The following FLNB variants were observed in gnomAD, a reference collection of about 807,000 sequenced individuals.
FLNB encodes the protein filamin-B.
A neutral mutation model predicts 250.6 loss-of-function variants in FLNB; 111 were observed. That is an observed-to-expected ratio of 0.44 (90% CI 0.38 to 0.52). The LOEUF is 0.52. Ranked by LOEUF, FLNB falls within the 20% of genes least tolerant of loss-of-function variation. The probability of loss-of-function intolerance (pLI) is 0.00; values close to 1 mark genes in which losing one functional copy is unlikely to be tolerated. For missense variants in FLNB, 2,869 were observed against 3,447.8 expected (o/e 0.83, Z 4.20); for synonymous variants, 1,302 against 1,372.1 (o/e 0.95, Z 1.13).
At chr3:58,148,464 T>C in intron 35 of FLNB, 100 bp downstream of exon 35, 1 of 1,427,142 alleles carries the variant, frequency 7.0e-7, no homozygotes, top group Admixed American at 1.9e-5. Flanking sequence ...CAATGGAGTG[T>C]GATGTGATAA....
At chr3:58,089,536 G>C (rs781658498) in intron 4 of FLNB, among the ~76,000 whole-genome samples, 2 of 130,068 alleles carry the variant, frequency 1.5e-5, no homozygotes, top group Non-Finnish European at 3.2e-5. Flanking sequence ...AGAAGAGTGA[G>C]ACTCCATCTC....
Position 58,169,302 on chromosome 3 carries a change from A to G in FLNB, c.7418-288A>G. On this transcript the variant is annotated intron_variant, in intron 44 of 45. Coordinates refer to ENST00000295956, the MANE Select transcript of FLNB (RefSeq NM_001457.4). The surrounding 1 kb of genome is among the most constrained non-coding windows in gnomAD (Gnocchi z 4.8). ...GTCAATAGAAAGATGTGAATTCCAC[A>G]GGCACATCTTTGGTGGGTAGGGGGT... The G allele has an allele frequency of 2.1e-6, 1 of 471,204 alleles. No homozygotes were observed. The highest frequency in any genetic ancestry group is 3.9e-6 in the Non-Finnish European group (1 of 258,214). 29.2% of individuals were successfully genotyped at this position (471,204 alleles called of 1,614,324 possible). A position where few individuals can be genotyped will look rare whatever the true frequency, so the allele number is the denominator to read the frequency against.
intron 24 of FLNB, among the ~76,000 whole-genome samples, chr3:58,129,535 C>T (rs2097303112): frequency 6.6e-6 from 1 of 152,180 alleles, no homozygotes; most frequent in African/African-American, 2.4e-5. Flanking sequence ...GTTCCTCTCA[C>T]CCCAGTGTGG....
chr3:58,148,203 C>T lies in FLNB; in HGVS notation c.5729-3C>T. 1 of 1,614,196 alleles carries T rather than the reference C, an allele frequency of 6.2e-7. No homozygotes were observed. Among genetic ancestry groups the T allele is most frequent in the Non-Finnish European group, 8.5e-7 (1 of 1,180,044 alleles). ...GGAGTCCTTTTTGGGGGATGTTTCC[C>T]AGATGACAGCAGGCGGTGCTCCCAG... On this transcript the variant is annotated splice_region_variant and splice_polypyrimidine_tract_variant and intron_variant, in intron 34 of 45. Coordinates refer to ENST00000295956, the MANE Select transcript of FLNB (RefSeq NM_001457.4).
chr3:58,033,015 G>C (rs926485915), intron 1 of FLNB, among the ~76,000 whole-genome samples: 1 of 152,222 alleles, frequency 6.6e-6, no homozygotes, highest in Admixed American at 6.5e-5. Context: ...CAAGACTGCA[G>C]TGAGCTGAGA....
At chr3:58,034,599 C>T (rs1197469757) in intron 1 of FLNB, among the ~76,000 whole-genome samples, 2 of 152,096 alleles carry the variant, frequency 1.3e-5, no homozygotes, top group African/African-American at 4.8e-5. Context: ...AGCCAGGAAG[C>T]AGTAGAGAAA....
At chr3:58,037,489 C>T (rs560293157) in intron 1 of FLNB, among the ~76,000 whole-genome samples, 21 of 152,338 alleles carry the variant, frequency 1.4e-4, no homozygotes, top group African/African-American at 4.3e-4. Context: ...TCACCCTTGC[C>T]TCCCGCTGCC....
At chr3:58,120,022 G>T (rs982585861) in intron 19 of FLNB, among the ~76,000 whole-genome samples, 9 of 152,320 alleles carry the variant, frequency 5.9e-5, no homozygotes, top group Non-Finnish European at 1.2e-4. Context: ...CTGGTTTCAG[G>T]CTTACTGAGG....
chr3:58,153,697 T>C (rs2097348932), intron 39 of FLNB, 56 bp downstream of exon 39: 2 of 1,598,580 alleles, frequency 1.3e-6, no homozygotes, highest in Admixed American at 3.4e-5. Flanking sequence ...GCCCAGGCAG[T>C]GTGGGCACCC....
At chr3:58,153,240 G>A in intron 38 of FLNB, 135 bp from the exon 39 acceptor site, 1 of 1,034,938 alleles carries the variant, frequency 9.7e-7, no homozygotes, top group Middle Eastern at 2.8e-4. Context: ...CAGCCTGAAG[G>A]GAAGGAAGCC....
chr3:58,108,324 A>T, intron 12 of FLNB, 134 bp from the exon 13 acceptor site: 3 of 700,012 alleles, frequency 4.3e-6, no homozygotes, highest in Non-Finnish European at 7.9e-6. Context: ...CCCATAACCA[A>T]CCTCTTATGT....
At chr3:58,133,987 TA>T (rs2097312040) in intron 26 of FLNB, among the ~76,000 whole-genome samples, 1 of 152,212 alleles carries the variant, frequency 6.6e-6, no homozygotes, top group East Asian at 1.9e-4. Context: ...GATCTTAGCA[TA>T]ACAAAAGTGG....
At chr3:58,104,558 C>A (rs1576724708) in intron 10 of FLNB, among the ~76,000 whole-genome samples, 2 of 152,190 alleles carry the variant, frequency 1.3e-5, no homozygotes, top group East Asian at 3.8e-4. Flanking sequence ...TTTTCCAGCT[C>A]CCCTGGAGGT....
chr3:58,014,878 G>A (rs550847813), intron 1 of FLNB, among the ~76,000 whole-genome samples: 6 of 152,232 alleles, frequency 3.9e-5, no homozygotes, highest in East Asian at 1.9e-4. Context: ...ACAGGCGTGC[G>A]CCACTATGTC....
Position 58,170,730 on chromosome 3 carries a change from C to T in FLNB, c.7777C>T (p.Pro2593Ser). ...LAVKWGEEHIPGSPFHVTVP is the reference protein window; with the variant it reads ...LAVKWGEEHISGSPFHVTVP ...TGTGAAGTGGGGGGAGGAACACATC[C>T]CTGGCAGCCCTTTTCATGTCACAGT... is the stretch of plus-strand genomic sequence containing the variant. Residue 2593 changes from proline (P) to serine (S), a missense_variant, in exon 46 of 46, where the codon CCT becomes TCT. By Grantham distance (74) the Pro-to-Ser change is moderately conservative. Transcript: ENST00000295956. 7 of 1,614,152 alleles carry T rather than the reference C, an allele frequency of 4.3e-6. No homozygotes were observed. Among genetic ancestry groups the T allele is most frequent in the South Asian group, 1.1e-5 (1 of 91,072 alleles).
chr3:58,085,211 G>A (rs1274347558), intron 4 of FLNB, among the ~76,000 whole-genome samples: 1 of 152,220 alleles, frequency 6.6e-6, no homozygotes, highest in East Asian at 1.9e-4. Context: ...GGAATTGGTG[G>A]ATCATATGGT....
intron 38 of FLNB, chr3:58,150,442 C>T (rs895885082): frequency 1.6e-6 from 1 of 607,228 alleles, no homozygotes; most frequent in Non-Finnish European, 2.9e-6. Flanking sequence ...CTACCTTTTT[C>T]CTCTTCCAAA....
chr3:58,046,092 C>G (rs1339549222), intron 1 of FLNB, among the ~76,000 whole-genome samples: 1 of 149,086 alleles, frequency 6.7e-6, no homozygotes, highest in Non-Finnish European at 1.5e-5. Flanking sequence ...GCCAGGTTTA[C>G]AGATTGGAAG....
chr3:58,065,040 C>T (rs1039985714), intron 1 of FLNB, among the ~76,000 whole-genome samples: 12 of 152,052 alleles, frequency 7.9e-5, no homozygotes, highest in African/African-American at 2.9e-4. Flanking sequence ...ACCCCGGACC[C>T]TGTCTCAAAA....
Sources: allele counts gnomAD v4.1 joint callset (sites outside exome capture counted in the v4.1 genomes callset), GRCh38; gene constraint gnomAD v4.1.1; non-coding constraint Gnocchi (gnomAD v3.1); transcripts MANE v1.5; gene names NCBI Gene and HGNC (gene_info 2026-07-23, HGNC 2026-07-21).